HELZ: variants seen among roughly 807,000 people sequenced by gnomAD.
HELZ encodes the protein ATP-dependent RNA helicase with zinc finger domain.
HELZ carries 23 observed loss-of-function variants against 218.2 expected under a neutral mutation model. That is an observed-to-expected ratio of 0.11 (90% CI 0.08 to 0.15). The LOEUF (loss-of-function observed/expected upper bound fraction) is 0.15. HELZ is among the 10% of genes least tolerant of loss of function. The probability of loss-of-function intolerance (pLI) is 1.00; values close to 1 mark genes in which losing one functional copy is unlikely to be tolerated. For synonymous variants in HELZ, 814 were observed against 829.4 expected, an observed-to-expected ratio of 0.98 and a Z score of 0.32; for missense variants, 1,813 against 2,353.7, an observed-to-expected ratio of 0.77 and a Z score of 4.75.
At chr17:67,134,694 TC>T (rs2038092334) in intron 23 of HELZ, among the ~76,000 whole-genome samples, 1 of 152,064 alleles carries the variant, frequency 6.6e-6, no homozygotes, top group Non-Finnish European at 1.5e-5. Context: ...GAATTTTTCT[TC>T]CTGCTAGAAC....
intron 5 of HELZ, among the ~76,000 whole-genome samples, chr17:67,207,109 T>C (rs1053531246): frequency 2.0e-5 from 3 of 150,304 alleles, no homozygotes; most frequent in Non-Finnish European, 3.0e-5. Context: ...ACGGCGGTTC[T>C]CCATGTTGGT....
In HELZ at chr17:67,109,534, A is replaced by C. The variant is rs1013147684; in HGVS notation, c.4071T>G (p.Asn1357Lys). Reference protein sequence around the residue: ...PAPHAQYAIPNRHFHPLPQLP... With the variant: ...PAPHAQYAIPKRHFHPLPQLP... ...GCTGGGGAAGGGGATGAAAGTGGCG[A>C]TTAGGGATTGCATACTGTGCGTGGG... Residue 1357 changes from asparagine (N) to lysine (K), a missense_variant, in exon 29 of 33, where the codon AAT becomes AAG. This residue lies in a region of HELZ where 938 missense variants were observed against 1,027.5 expected (regional missense o/e 0.91). Transcript: ENST00000358691. 24 of 1,614,032 alleles carry C rather than the reference A, an allele frequency of 1.5e-5. No homozygotes were observed. The highest frequency in any genetic ancestry group is 2.0e-5 in the Non-Finnish European group (24 of 1,180,030).
chr17:67,168,862 C>T (rs965002376), intron 13 of HELZ, among the ~76,000 whole-genome samples: 4 of 152,060 alleles, frequency 2.6e-5, no homozygotes, highest in African/African-American at 9.7e-5. Context: ...GAGGCTAAGG[C>T]GGGCAGATCA....
intron 31 of HELZ, among the ~76,000 whole-genome samples, chr17:67,104,885 G>C (rs1342077530): frequency 6.6e-6 from 1 of 152,158 alleles, no homozygotes; most frequent in Non-Finnish European, 1.5e-5. Context: ...ACTTTGGGAG[G>C]CTGGGGGCGG....
intron 25 of HELZ, 32 bp from the exon 26 acceptor site, chr17:67,123,192 A>T (rs2037672124): frequency 7.2e-7 from 1 of 1,384,328 alleles, no homozygotes; most frequent in African/African-American, 1.4e-5. Context: ...GATGCACTCA[A>T]CAGCTGTACA....
intron 1 of HELZ, 133 bp downstream of exon 1, chr17:67,245,015 G>A: frequency 1.0e-6 from 1 of 985,452 alleles, no homozygotes; most frequent in African/African-American, 1.7e-5. Flanking sequence ...GGGCCGCCCA[G>A]GCCCCCAGCC....
At chr17:67,161,109 G>A (rs765217769) in intron 15 of HELZ, 33 bp from the exon 16 acceptor site, 6 of 1,493,228 alleles carry the variant, frequency 4.0e-6, no homozygotes, top group Non-Finnish European at 5.5e-6. Flanking sequence ...TTAAACACAT[G>A]CATCTCGTTA....
intron 2 of HELZ, among the ~76,000 whole-genome samples, chr17:67,242,516 GTATATATACACACA>G: frequency 9.2e-4 from 1 of 1,086 alleles, no homozygotes; most frequent in Non-Finnish European, 1.6e-3. Flanking sequence ...ACACATATAT[GTATATATACACACA>G]TATATGTATA....
At chr17:67,182,988 A>G (rs181246568) in intron 12 of HELZ, among the ~76,000 whole-genome samples, 149 of 152,370 alleles carry the variant, frequency 9.8e-4, no homozygotes, top group African/African-American at 3.3e-3. Flanking sequence ...AAGGGTTGAC[A>G]TGTAAGAGGC....
chr17:67,128,040 A>G (rs2037857646), intron 24 of HELZ, among the ~76,000 whole-genome samples: 1 of 152,178 alleles, frequency 6.6e-6, no homozygotes, highest in South Asian at 2.1e-4. Flanking sequence ...TCTAGCAAAT[A>G]AGCCGGCTGT....
intron 31 of HELZ, among the ~76,000 whole-genome samples, chr17:67,105,803 T>TA (rs1233430059): frequency 6.6e-6 from 1 of 152,242 alleles, no homozygotes; most frequent in African/African-American, 2.4e-5. Flanking sequence ...ATTGTGCTTC[T>TA]AACTTACTTT....
At chr17:67,100,301 G>A (rs1255100845) in intron 31 of HELZ, among the ~76,000 whole-genome samples, 1 of 152,102 alleles carries the variant, frequency 6.6e-6, no homozygotes, top group Admixed American at 6.5e-5. Context: ...CCAACACACA[G>A]AACAAGAAAT....
intron 27 of HELZ, among the ~76,000 whole-genome samples, chr17:67,116,815 T>C (rs1313053788): frequency 6.6e-6 from 1 of 152,140 alleles, no homozygotes; most frequent in Non-Finnish European, 1.5e-5. Flanking sequence ...AAGGATACAA[T>C]AGACCTGAAC....
Position 67,167,614 on chromosome 17 carries a change from G to A in HELZ, c.1613C>T (p.Pro538Leu). ...CTGTACTAACTTCTGTTTAGGGACT[G>A]GTAATAAATAAACAGCATTGACTTT... ...MTKVNAVYLL[P>L]VPKQKLVQTQ... is the part of the protein sequence containing the mutation. Residue 538 changes from proline (P) to leucine (L), a missense_variant, in exon 14 of 33, where the codon CCA becomes CTA. Pro to Leu is a moderately conservative substitution (Grantham distance 98). Transcript: ENST00000358691. The A allele has an allele frequency of 6.2e-7, 1 of 1,614,092 alleles. No individual in the cohort carries two copies. The highest frequency in any genetic ancestry group is 8.5e-7 in the Non-Finnish European group (1 of 1,179,986).
At chr17:67,109,753 C>T (rs17700182) in intron 28 of HELZ, 67 bp from the exon 29 acceptor site, 18,834 of 1,154,698 alleles carry the variant, frequency 0.016, 191 homozygotes, top group Non-Finnish European at 0.018. Flanking sequence ...CCACCTTTTC[C>T]CAACCCTAAC....
intron 13 of HELZ, among the ~76,000 whole-genome samples, chr17:67,175,015 C>A (rs1322264755): frequency 6.6e-6 from 1 of 152,104 alleles, no homozygotes; most frequent in Non-Finnish European, 1.5e-5. Flanking sequence ...TATAAGCATA[C>A]CATTGTCTCC....
upstream of HELZ, chr17:67,245,458 C>T: frequency 1.1e-5 from 11 of 985,498 alleles, no homozygotes; most frequent in Non-Finnish European, 1.3e-5. Context: ...CACGCCCGGT[C>T]CTCTCGCCTC....
At chr17:67,236,060 T>A (rs887926325) in intron 3 of HELZ, among the ~76,000 whole-genome samples, 1 of 152,068 alleles carries the variant, frequency 6.6e-6, no homozygotes, top group Non-Finnish European at 1.5e-5. Context: ...GCACCCAGCC[T>A]CGACCACACA....
chr17:67,196,609 CATGG>C (rs2040037954), intron 7 of HELZ, among the ~76,000 whole-genome samples: 1 of 134,006 alleles, frequency 7.5e-6, no homozygotes, highest in South Asian at 2.4e-4. Context: ...TGGATGGGTG[CATGG>C]GTGGGTGGAT....
Sources: allele counts gnomAD v4.1 joint callset (sites outside exome capture counted in the v4.1 genomes callset), GRCh38; gene constraint gnomAD v4.1.1; regional missense constraint gnomAD v4.1.1; transcripts MANE v1.5; gene names NCBI Gene and HGNC (gene_info 2026-07-23, HGNC 2026-07-21).